Variants in LRRK2 observed in about 807,000 individuals in gnomAD.
The protein encoded by LRRK2 is leucine-rich repeat serine/threonine-protein kinase 2.
In LRRK2, 203 loss-of-function variants were observed where a neutral mutation model predicts 302.6. The observed-to-expected ratio is 0.67, with a 90% confidence interval of 0.60 to 0.75. The LOEUF is 0.75. Ranked by LOEUF, LRRK2 falls within the 30% of genes least tolerant of loss-of-function variation. The probability of loss-of-function intolerance (pLI) is 0.00; values close to 1 mark genes in which losing one functional copy is unlikely to be tolerated. For synonymous variants in LRRK2, 1,066 were observed against 1,031.9 expected, an observed-to-expected ratio of 1.03 and a Z score of -0.63; for missense variants, 2,830 against 2,951.0, an observed-to-expected ratio of 0.96 and a Z score of 0.95.
rs1303814844 is a variant in LRRK2 at position 40,252,955 on chromosome 12, T to C, written c.1227T>C (p.Ser409=). The part of the protein sequence containing the change: ...REVMLSMLMH[S]SSKEVFQASA... ...TGATGCTCTCCATGCTGATGCATTC[T>C]TCATCAAAGGAAGTTTTCCAGGCAT... Residue 409 remains serine (S), a synonymous_variant, in exon 11 of 51, where the codon TCT becomes TCC. Transcript: ENST00000298910. 1 of 1,613,390 alleles carries C rather than the reference T, an allele frequency of 6.2e-7. No individual in the cohort carries two copies. The highest frequency in any genetic ancestry group is 2.2e-5 in the East Asian group (1 of 44,788).
At chr12:40,280,705 G>A (rs1943653736) in intron 18 of LRRK2, among the ~76,000 whole-genome samples, 1 of 151,762 alleles carries the variant, frequency 6.6e-6, no homozygotes, top group South Asian at 2.1e-4. Flanking sequence ...GAGCCTAGGA[G>A]GTCAAGGCTG....
intron 9 of LRRK2, 24 bp downstream of exon 9, chr12:40,251,398 G>A (rs766239042): frequency 6.2e-7 from 1 of 1,613,372 alleles, no homozygotes; most frequent in Non-Finnish European, 8.5e-7. Flanking sequence ...AAATATTAGA[G>A]TTATTCAAAA....
At chr12:40,234,197 G>T (rs755489370) in intron 3 of LRRK2, among the ~76,000 whole-genome samples, 1 of 151,952 alleles carries the variant, frequency 6.6e-6, no homozygotes, top group Non-Finnish European at 1.5e-5. Context: ...ATTATGCAAC[G>T]TTTCTTGAAT....
In LRRK2 at chr12:40,365,043, A is replaced by G; in HGVS notation, c.7383A>G (p.Ala2461=). 1 of 1,611,688 alleles carries G rather than the reference A, an allele frequency of 6.2e-7. No homozygotes were observed. Among genetic ancestry groups the G allele is most frequent in the Non-Finnish European group, 8.5e-7 (1 of 1,178,362 alleles). ...FCNSVRVMMT[A]QLGSLKNVML... ...ATTCGGTCAGAGTCATGATGACAGC[A>G]CAGCTAGGCAAGTTTCTTTCCTTTA... The change falls in exon 49 of 51, where the codon GCA becomes GCG. Residue 2461 remains alanine (A), a synonymous_variant. Transcript: ENST00000298910.
intron 28 of LRRK2, among the ~76,000 whole-genome samples, chr12:40,308,227 G>C (rs1292932525): frequency 2.6e-5 from 4 of 151,890 alleles, no homozygotes; most frequent in South Asian, 2.1e-4. Context: ...GATTATTTCT[G>C]GTGATAGTGT....
At chr12:40,327,311 G>C (rs985175772) in intron 38 of LRRK2, among the ~76,000 whole-genome samples, 2 of 152,092 alleles carry the variant, frequency 1.3e-5, no homozygotes, top group Non-Finnish European at 2.9e-5. Context: ...GGTTTGTCTA[G>C]AGCACTTGTT....
chr12:40,258,995 T>G (rs1045628546), intron 12 of LRRK2, among the ~76,000 whole-genome samples: 3 of 152,046 alleles, frequency 2.0e-5, no homozygotes, highest in African/African-American at 7.2e-5. Flanking sequence ...TAAAACAAAT[T>G]AAAAATAATT....
chr12:40,320,018 A>G lies in LRRK2; in HGVS notation c.4858A>G (p.Lys1620Glu), dbSNP rs1343513419. ...ILTVKVEGCPKHPKGIISRRD... is the reference protein window; with the variant it reads ...ILTVKVEGCPEHPKGIISRRD... The stretch of plus-strand genomic sequence containing the variant: ...GACAGTGAAAGTGGAAGGTTGTCCA[A>G]AACACCCTAAGGGCATTATTTCGCG... The change falls in exon 34 of 51, where the codon AAA becomes GAA. Residue 1620 changes from lysine (K) to glutamate (E), a missense_variant. By Grantham distance (56) the Lys-to-Glu change is moderately conservative. This residue lies in a region of LRRK2 where 2,121 missense variants were observed against 2,148.0 expected (regional missense o/e 0.99). Transcript: ENST00000298910. 6.2e-7 allele frequency: 1 copy of G among 1,610,776 alleles called. No individual in the cohort carries two copies. Among genetic ancestry groups the G allele is most frequent in the Non-Finnish European group, 8.5e-7 (1 of 1,178,290 alleles).
At chr12:40,322,568 G>A in intron 37 of LRRK2, 58 bp downstream of exon 37, 2 of 1,443,132 alleles carry the variant, frequency 1.4e-6, no homozygotes, top group Non-Finnish European at 1.9e-6. Context: ...CTTATGAAGT[G>A]ACTTTTAATA....
chr12:40,298,774 A>C (rs1944480448), intron 24 of LRRK2, among the ~76,000 whole-genome samples: 1 of 41,408 alleles, frequency 2.4e-5, no homozygotes, highest in East Asian at 4.7e-4. Context: ...CTCTGTCTCA[A>C]AGAAATATAT....
chr12:40,343,924 G>A (rs1946119810), intron 41 of LRRK2, among the ~76,000 whole-genome samples: 1 of 152,020 alleles, frequency 6.6e-6, no homozygotes, highest in Non-Finnish European at 1.5e-5. Context: ...TATAATTGAG[G>A]CACTTTATGA....
chr12:40,234,369 CTTTTTTTTTTTTT>C (rs35906443), intron 3 of LRRK2, among the ~76,000 whole-genome samples: 13 of 43,074 alleles, frequency 3.0e-4, no homozygotes, highest in South Asian at 3.0e-3. Context: ...GCTAAATTCA[CTTTTTTTTTTTTT>C]TTTTTTTTTT....
chr12:40,295,248 A>G (rs915414005), intron 22 of LRRK2, among the ~76,000 whole-genome samples, 179 bp from the exon 23 acceptor site: 3 of 151,590 alleles, frequency 2.0e-5, no homozygotes, highest in African/African-American at 7.3e-5. Context: ...ACCTGATTAA[A>G]TGCTTTTTAT....
At chr12:40,316,435 C>A in intron 33 of LRRK2, 1 of 631,324 alleles carries the variant, frequency 1.6e-6, no homozygotes. Context: ...TTTCAGCCTT[C>A]TGCACATATG....
chr12:40,320,156 T>C lies in LRRK2; in HGVS notation c.4996T>C (p.Tyr1666His), dbSNP rs199999378. The stretch of plus-strand genomic sequence containing the variant: ...GATTGCTTTGCCAATAGGAGAAGAA[T>C]ATTTGCTGGTTCCAAGCAGGTAAAG... ...FQIALPIGEE[Y>H]LLVPSSLSDH... Residue 1666 changes from tyrosine (Y) to histidine (H), a missense_variant, in exon 34 of 51, where the codon TAT becomes CAT. Tyr to His is a moderately conservative substitution (Grantham distance 83). Transcript: ENST00000298910. The C allele has an allele frequency of 7.9e-5, 128 of 1,611,986 alleles. No homozygotes were observed. The highest frequency in any genetic ancestry group is 1.1e-4 in the Non-Finnish European group (127 of 1,178,862).
chr12:40,317,776 T>C (rs1945269980), intron 33 of LRRK2, among the ~76,000 whole-genome samples: 1 of 152,106 alleles, frequency 6.6e-6, no homozygotes, highest in African/African-American at 2.4e-5. Flanking sequence ...TAGGAGCTCT[T>C]TTAAAGGTGA....
At chr12:40,293,441 A>G in intron 20 of LRRK2, 104 bp from the exon 21 acceptor site, 1 of 716,462 alleles carries the variant, frequency 1.4e-6, no homozygotes, top group Non-Finnish European at 2.4e-6. Flanking sequence ...TTCCATTAAT[A>G]AAAATAGGTC....
rs550885640 is a variant in LRRK2, at chr12:40,276,351, A to T, written c.1941+1358A>T. On this transcript the variant is annotated intron_variant, in intron 16 of 50. Transcript: ENST00000298910. The stretch of plus-strand genomic sequence containing the variant: ...CACTCTGTTGCCCAGGCTGTAGTGC[A>T]GTGGCGCAGTCTCAGCTCACATCAC... 1.2e-4 allele frequency among the ~76,000 whole-genome samples: 19 copies of T among 152,284 alleles called. No homozygotes were observed. The South Asian group carries it at 3.5e-3, about 28-fold the overall frequency.
In LRRK2 at chr12:40,293,626, G is replaced by C; in HGVS notation, c.2771G>C (p.Arg924Pro). ...TTTTACCGAGATGCCGTATTACAGCGTTGCTCACCAAATTTGCAAAGACAT... is the reference window on the plus strand; with the variant it reads ...TTTTACCGAGATGCCGTATTACAGCCTTGCTCACCAAATTTGCAAAGACAT... ...GEFYRDAVLQ[R>P]CSPNLQRHSN... The change falls in exon 21 of 51, where the codon CGT becomes CCT. Residue 924 changes from arginine (R) to proline (P), a missense_variant. By Grantham distance (103) the Arg-to-Pro change is moderately radical (BLOSUM62 -2). This residue lies in a region of LRRK2 where 2,121 missense variants were observed against 2,148.0 expected (regional missense o/e 0.99). Coordinates refer to ENST00000298910, the MANE Select transcript of LRRK2 (RefSeq NM_198578.4). 2 of 1,611,252 alleles carry C rather than the reference G, an allele frequency of 1.2e-6. No homozygotes were observed. Among genetic ancestry groups the C allele is most frequent in the Non-Finnish European group, 1.7e-6 (2 of 1,178,172 alleles).
Sources: allele counts gnomAD v4.1 joint callset (sites outside exome capture counted in the v4.1 genomes callset), GRCh38; gene constraint gnomAD v4.1.1; regional missense constraint gnomAD v4.1.1; transcripts MANE v1.5; gene names NCBI Gene and HGNC (gene_info 2026-07-23, HGNC 2026-07-21).